SNED1: variants seen among roughly 807,000 people sequenced by gnomAD.
The protein encoded by SNED1 is sushi, nidogen and EGF like domains 1, also known as sushi, nidogen and EGF-like domain-containing protein 1.
A neutral mutation model predicts 166.7 loss-of-function variants in SNED1; 81 were observed. The ratio of observed to expected loss-of-function variants is 0.49; its 90% CI spans 0.41 to 0.58. The LOEUF (loss-of-function observed/expected upper bound fraction) is 0.58. SNED1 is among the 20% of genes least tolerant of loss of function. The pLI, the probability that SNED1 is intolerant of heterozygous loss-of-function variation, is 0.00. For missense variants in SNED1, 1,604 were observed against 2,000.2 expected, an observed-to-expected ratio of 0.80 and a Z score of 3.78; for synonymous variants, 762 against 822.0, an observed-to-expected ratio of 0.93 and a Z score of 1.25.
At position 241,064,870 on chromosome 2, in the gene SNED1, T is replaced by C; in HGVS notation, c.2626T>C (p.Cys876Arg). The C allele has an allele frequency of 1.9e-6, 3 of 1,589,702 alleles. No individual in the cohort carries two copies. Among genetic ancestry groups the C allele is most frequent in the Non-Finnish European group, 2.6e-6 (3 of 1,172,948 alleles). The change falls in exon 20 of 32, where the codon TGT becomes CGT. Residue 876 changes from cysteine (C) to arginine (R), a missense_variant. Coordinates refer to ENST00000310397, the MANE Select transcript of SNED1 (RefSeq NM_001080437.3). The surrounding 1 kb of genome is among the most constrained non-coding windows in gnomAD (Gnocchi z 7.0). ...GAGTGACCCCTGCTTCTCCAGCCCC[T>C]GTGGGGGCCGTGGCTATTGCCTGGC... is the stretch of plus-strand genomic sequence containing the variant. ...TVSDPCFSSP[C>R]GGRGYCLASN...
chr2:241,001,469 C>T (rs1339591395), intron 1 of SNED1, among the ~76,000 whole-genome samples: 3 of 152,160 alleles, frequency 2.0e-5, no homozygotes, highest in Non-Finnish European at 2.9e-5. Flanking sequence ...TGTGGTAAGT[C>T]GTAAGGCTCT....
intron 2 of SNED1, among the ~76,000 whole-genome samples, chr2:241,031,231 C>T (rs1197525036): frequency 6.6e-6 from 1 of 152,090 alleles, no homozygotes; most frequent in Non-Finnish European, 1.5e-5. Flanking sequence ...ATAGCACGAT[C>T]TCAGCTCACT....
At chr2:241,046,435 G>A (rs969032499) in intron 8 of SNED1, among the ~76,000 whole-genome samples, 1 of 152,176 alleles carries the variant, frequency 6.6e-6, no homozygotes, top group East Asian at 1.9e-4. Flanking sequence ...TAGACAAATT[G>A]TGGAACCTCT....
intron 1 of SNED1, among the ~76,000 whole-genome samples, chr2:241,009,682 CG>C (rs2060327215): frequency 6.6e-6 from 1 of 152,250 alleles, no homozygotes; most frequent in Admixed American, 6.5e-5. Flanking sequence ...CTCCCCTGTC[CG>C]GGGGCGCTGA....
chr2:241,056,167 A>T (rs1279765322), intron 16 of SNED1, among the ~76,000 whole-genome samples: 1 of 152,242 alleles, frequency 6.6e-6, no homozygotes, highest in East Asian at 1.9e-4. Context: ...CTTTATGTTA[A>T]AGAAAAACGA....
At chr2:241,023,025 A>G (rs970869853) in intron 1 of SNED1, among the ~76,000 whole-genome samples, 1 of 151,930 alleles carries the variant, frequency 6.6e-6, no homozygotes, top group Admixed American at 6.6e-5. Flanking sequence ...TTGATGATTC[A>G]CTTTATTCAG....
chr2:241,081,395 CCTCCTT>C (rs1392151898), intron 27 of SNED1, among the ~76,000 whole-genome samples: 4 of 152,172 alleles, frequency 2.6e-5, no homozygotes, highest in Non-Finnish European at 5.9e-5. Flanking sequence ...CCCTCTCCCT[CCTCCTT>C]CTCCTCCTCC....
rs1397715530 is a variant in SNED1 at position 241,064,197 on chromosome 2, G to A, written c.2599+72G>A. The A allele has an allele frequency of 8.9e-6, 9 of 1,015,438 alleles. No individual in the cohort carries two copies. The highest frequency in any genetic ancestry group is 4.1e-5 in the African/African-American group (2 of 48,940). 62.9% of individuals were successfully genotyped at this position (1,015,438 alleles called of 1,614,324 possible). ...CCCGCCCTCTGCCCGCCTGCTGCCCGCCCTCTGCCCGCCTGCTCCCCGCCC... is the reference window on the plus strand; with the variant it reads ...CCCGCCCTCTGCCCGCCTGCTGCCCACCCTCTGCCCGCCTGCTCCCCGCCC... On this transcript the variant is annotated intron_variant, in intron 19 of 31. Coordinates refer to ENST00000310397, the MANE Select transcript of SNED1 (RefSeq NM_001080437.3). This position sits in a 1 kb window ranked among gnomAD's most constrained non-coding sequence, Gnocchi z 7.0.
intron 1 of SNED1, among the ~76,000 whole-genome samples, chr2:241,028,762 G>C (rs1038078542): frequency 6.6e-6 from 1 of 152,092 alleles, no homozygotes; most frequent in Non-Finnish European, 1.5e-5. Flanking sequence ...TGACTACTCT[G>C]ATAAAATTCT....
Position 241,051,882 on chromosome 2 carries a change from G to A in SNED1, c.1852+22G>A. The A allele has an allele frequency of 1.3e-6, 2 of 1,520,880 alleles. No individual in the cohort carries two copies. Among genetic ancestry groups the A allele is most frequent in the Non-Finnish European group, 1.8e-6 (2 of 1,128,640 alleles). The allele number at this position is 1,520,880 out of a possible 1,614,324, so 94.2% of individuals were successfully genotyped here. On this transcript the variant is annotated intron_variant, in intron 13 of 31. Transcript: ENST00000310397. The surrounding 1 kb of genome is among the most constrained non-coding windows in gnomAD (Gnocchi z 4.7). ...ATCGGTGCGGCCCCCAGGGGCAGGG[G>A]GGAGGGCAGGAACGACGGGCCAGCC... is the stretch of plus-strand genomic sequence containing the variant.
intron 24 of SNED1, among the ~76,000 whole-genome samples, chr2:241,071,144 C>G (rs1392363450): frequency 2.0e-5 from 3 of 152,184 alleles, no homozygotes; most frequent in African/African-American, 4.8e-5. Flanking sequence ...CAGATGCACC[C>G]TCACTCTCAG....
At chr2:241,077,741 C>T (rs955448208) in intron 27 of SNED1, among the ~76,000 whole-genome samples, 4 of 152,098 alleles carry the variant, frequency 2.6e-5, no homozygotes, top group South Asian at 2.1e-4. Flanking sequence ...GTAATCACAC[C>T]GAAAAGATCC....
chr2:241,064,044 C>A lies in SNED1; in HGVS notation c.2518C>A (p.His840Asn). 1 of 1,562,790 alleles carries A rather than the reference C, an allele frequency of 6.4e-7. No homozygotes were observed. The change falls in exon 19 of 32, where the codon CAT (histidine) becomes AAT (asparagine). Residue 840 changes from histidine (H) to asparagine (N), a missense_variant. Physicochemically the swap from His to Asn is moderately conservative, Grantham distance 68 (BLOSUM62 1). This residue lies in a region of SNED1 where 1,237 missense variants were observed against 1,620.8 expected (regional missense o/e 0.76). Transcript: ENST00000310397. This position sits in a 1 kb window ranked among gnomAD's most constrained non-coding sequence, Gnocchi z 7.0. ...VDACDSSPCQ[H>N]GGRCESGGGA... The stretch of plus-strand genomic sequence containing the variant: ...CGCCTGCGACTCCAGCCCCTGCCAG[C>A]ATGGAGGCCGGTGTGAGAGCGGCGG...
In SNED1 at chr2:240,998,787, C is replaced by T; in HGVS notation, c.-51C>T. The stretch of plus-strand genomic sequence containing the variant: ...CGGCCACCCCCGCGCGCAGCCTAGT[C>T]CCCCAGCGCCCTGCTCCGCCAGCGC... On this transcript the variant is annotated 5_prime_UTR_variant, in exon 1 of 32. Coordinates refer to ENST00000310397, the MANE Select transcript of SNED1 (RefSeq NM_001080437.3). 2 of 967,894 alleles carry T rather than the reference C, an allele frequency of 2.1e-6. No homozygotes were observed. Among genetic ancestry groups the T allele is most frequent in the Non-Finnish European group, 1.3e-6 (1 of 786,546 alleles). The allele number at this position is 967,894 out of a possible 1,614,324, so 60.0% of individuals were successfully genotyped here. A position where few individuals can be genotyped will look rare whatever the true frequency, so the allele number is the denominator to read the frequency against.
chr2:241,039,397 TTGTTCTGGGTATGAGC>T (rs1440964508), intron 6 of SNED1, among the ~76,000 whole-genome samples: 3 of 152,160 alleles, frequency 2.0e-5, no homozygotes, highest in Non-Finnish European at 4.4e-5. Context: ...GTTTCTGAGT[TTGTTCTGGGTATGAGC>T]TGTCAGTAAG....
chr2:241,063,954 C>G, intron 18 of SNED1, 58 bp from the exon 19 acceptor site: 1 of 1,278,714 alleles, frequency 7.8e-7, no homozygotes, highest in Non-Finnish European at 1.1e-6. Context: ...GCTGTCCTCT[C>G]CTCCCTCCCC....
chr2:241,009,955 C>G (rs1175606148), intron 1 of SNED1: 1 of 152,286 alleles, frequency 6.6e-6, no homozygotes, highest in African/African-American at 2.4e-5. Flanking sequence ...GAGGCCCTGC[C>G]CATCCCCCGG....
intron 16 of SNED1, among the ~76,000 whole-genome samples, chr2:241,054,488 A>G (rs1381998161): frequency 6.6e-6 from 1 of 151,984 alleles, no homozygotes; most frequent in East Asian, 1.9e-4. Context: ...AGATCACTTG[A>G]ACCTGGGAGG....
chr2:241,007,383 T>C (rs559347763), intron 1 of SNED1, among the ~76,000 whole-genome samples: 1 of 152,376 alleles, frequency 6.6e-6, no homozygotes, highest in African/African-American at 2.4e-5. Flanking sequence ...CATTTGTTCG[T>C]TCCTTCAGTC....
Sources: gnomAD v4.1 joint callset for allele counts (sites outside exome capture counted in the v4.1 genomes callset) on GRCh38, gnomAD v4.1.1 for gene constraint, gnomAD v4.1.1 regional missense constraint, Gnocchi (gnomAD v3.1) non-coding constraint, MANE v1.5 for transcripts, NCBI Gene and HGNC (gene_info 2026-07-23, HGNC 2026-07-21) for gene names.